HNF4G: variants seen among roughly 807,000 people sequenced by gnomAD.
HNF4G encodes hepatocyte nuclear factor 4 gamma, also known as hepatocyte nuclear factor 4-gamma.
In HNF4G, 21 loss-of-function variants were observed where a neutral mutation model predicts 50.9. The ratio of observed to expected loss-of-function variants is 0.41; its 90% CI spans 0.29 to 0.59. HNF4G has a LOEUF of 0.59. HNF4G is among the 20% of genes least tolerant of loss of function. HNF4G has a pLI of 0.26. For missense variants in HNF4G, 527 were observed against 559.4 expected (o/e 0.94, Z 0.58); for synonymous variants, 198 against 185.6 (o/e 1.07, Z -0.54).
intron 2 of HNF4G, among the ~76,000 whole-genome samples, chr8:75,526,553 A>G (rs1272654192): frequency 1.3e-5 from 2 of 150,744 alleles, no homozygotes; most frequent in Admixed American, 1.3e-4. Flanking sequence ...TCTTTTTTTG[A>G]GACAGGGTCT....
chr8:75,440,268 G>C (rs984715475), intron 1 of HNF4G, among the ~76,000 whole-genome samples: 3 of 151,976 alleles, frequency 2.0e-5, no homozygotes, highest in African/African-American at 7.2e-5. Context: ...TCTGTGAGTG[G>C]GTCCATTATT....
chr8:75,525,329 C>A (rs745954316), intron 2 of HNF4G, among the ~76,000 whole-genome samples: 1 of 152,082 alleles, frequency 6.6e-6, no homozygotes, highest in African/African-American at 2.4e-5. Flanking sequence ...CCACCATGCC[C>A]GGCTAATTTT....
At chr8:75,464,476 A>AG (rs1295318181) in intron 1 of HNF4G, among the ~76,000 whole-genome samples, 1 of 151,984 alleles carries the variant, frequency 6.6e-6, no homozygotes, top group Non-Finnish European at 1.5e-5. Context: ...ATATTGTCTC[A>AG]GATTTTTTCC....
At chr8:75,480,060 T>A (rs937197117) in intron 1 of HNF4G, among the ~76,000 whole-genome samples, 2 of 152,160 alleles carry the variant, frequency 1.3e-5, no homozygotes, top group Non-Finnish European at 1.5e-5. Context: ...ACAATATAAT[T>A]CTTATTAAAT....
At chr8:75,433,657 C>A (rs1811068203) in intron 1 of HNF4G, among the ~76,000 whole-genome samples, 1 of 152,054 alleles carries the variant, frequency 6.6e-6, no homozygotes, top group South Asian at 2.1e-4. Context: ...CCTCAGCCTC[C>A]CAAAGTGCTG....
intron 2 of HNF4G, among the ~76,000 whole-genome samples, chr8:75,500,171 A>G (rs1485899477): frequency 2.0e-5 from 3 of 152,182 alleles, no homozygotes; most frequent in Non-Finnish European, 4.4e-5. Flanking sequence ...CTTACACTGC[A>G]GCAACAATAC....
intron 1 of HNF4G, among the ~76,000 whole-genome samples, chr8:75,486,008 C>T (rs972852159): frequency 6.6e-6 from 1 of 152,186 alleles, no homozygotes; most frequent in Non-Finnish European, 1.5e-5. Flanking sequence ...TCTGCTCTAG[C>T]TGCCAACCAT....
rs189803897 is a variant in HNF4G at position 75,478,928 on chromosome 8, G to A, written c.-143-11161G>A. On this transcript the variant is annotated intron_variant, in intron 1 of 10. Coordinates refer to the HNF4G transcript ENST00000354370. Reference sequence around the variant, plus strand: ...GTAGAGACGGGGTTTCTCCATGTTGGTCAGGCTGGTCTCGAACTCCCGACC... The same window carrying A: ...GTAGAGACGGGGTTTCTCCATGTTGATCAGGCTGGTCTCGAACTCCCGACC... 2.0e-4 allele frequency among the ~76,000 whole-genome samples: 30 copies of A among 152,262 alleles called. 1 individual carries two copies. Among genetic ancestry groups the A allele is most frequent in the African/African-American group, 7.0e-4 (29 of 41,560 alleles).
chr8:75,485,695 T>G (rs1400248532), intron 1 of HNF4G: 2 of 152,220 alleles, frequency 1.3e-5, no homozygotes, highest in African/African-American at 4.8e-5. Flanking sequence ...AAAATTAATT[T>G]TGTTCCTCAA....
intron 1 of HNF4G, among the ~76,000 whole-genome samples, chr8:75,413,604 C>T (rs1810558073): frequency 6.6e-6 from 1 of 152,030 alleles, no homozygotes; most frequent in African/African-American, 2.4e-5. Context: ...TATGGTGGCT[C>T]ATGCCTGTAA....
intron 1 of HNF4G, among the ~76,000 whole-genome samples, chr8:75,473,690 G>A (rs1812175001): frequency 6.6e-6 from 1 of 152,138 alleles, no homozygotes; most frequent in South Asian, 2.1e-4. Flanking sequence ...TACATGTTAG[G>A]AAGATTAGAC....
intron 2 of HNF4G, among the ~76,000 whole-genome samples, chr8:75,520,429 A>G (rs568472758): frequency 4.8e-4 from 72 of 149,518 alleles, no homozygotes; most frequent in Non-Finnish European, 9.2e-4. Context: ...CTTTCTTTTT[A>G]TGTTTTTTTT....
intron 1 of HNF4G, among the ~76,000 whole-genome samples, chr8:75,432,458 G>A (rs1026731054): frequency 1.5e-4 from 23 of 151,782 alleles, no homozygotes; most frequent in Admixed American, 5.9e-4. Flanking sequence ...CTGGGATTAC[G>A]TCTGGCTAAT....
chr8:75,408,866 A>T (rs1031859909), intron 1 of HNF4G, among the ~76,000 whole-genome samples: 5 of 152,072 alleles, frequency 3.3e-5, no homozygotes, highest in African/African-American at 4.8e-5. Context: ...GAAACTAAAC[A>T]CTCATTGAGA....
chr8:75,560,580 C>A (rs1807282367), intron 9 of HNF4G, 114 bp downstream of exon 9: 1 of 890,554 alleles, frequency 1.1e-6, no homozygotes. Flanking sequence ...GGTGTAATTT[C>A]CCATCTGAGA....
chr8:75,499,453 C>A (rs548388586), intron 2 of HNF4G, among the ~76,000 whole-genome samples: 1 of 152,000 alleles, frequency 6.6e-6, no homozygotes, highest in South Asian at 2.1e-4. Flanking sequence ...TGGCAATACT[C>A]CACAAATTGA....
intron 8 of HNF4G, among the ~76,000 whole-genome samples, chr8:75,559,935 A>G (rs537289959): frequency 6.6e-6 from 1 of 152,302 alleles, no homozygotes; most frequent in East Asian, 1.9e-4. Context: ...TTGTAAAATC[A>G]TTATATTTAT....
At chr8:75,417,853 TA>T (rs1444954756) in intron 1 of HNF4G, among the ~76,000 whole-genome samples, 1 of 152,130 alleles carries the variant, frequency 6.6e-6, no homozygotes, top group Non-Finnish European at 1.5e-5. Context: ...AAAATGATAA[TA>T]GTCACATATT....
intron 1 of HNF4G, among the ~76,000 whole-genome samples, chr8:75,410,392 T>C (rs1225479715): frequency 1.3e-5 from 2 of 152,224 alleles, no homozygotes; most frequent in African/African-American, 2.4e-5. Context: ...GGGAATTATA[T>C]AAACCAGTCC....
Sources: gnomAD v4.1 joint callset for allele counts (sites outside exome capture counted in the v4.1 genomes callset) on GRCh38, gnomAD v4.1.1 for gene constraint, MANE v1.5 for transcripts, NCBI Gene and HGNC (gene_info 2026-07-23, HGNC 2026-07-21) for gene names.